The following ENPP1 variants were observed in gnomAD, a reference collection of about 807,000 sequenced individuals.
ENPP1 encodes ectonucleotide pyrophosphatase/phosphodiesterase 1.
A neutral mutation model predicts 122.8 loss-of-function variants in ENPP1; 73 were observed. The observed-to-expected ratio is 0.59, with a 90% confidence interval of 0.49 to 0.72. ENPP1 has a LOEUF of 0.72. Among genes scored for constraint, ENPP1 ranks in the 30% least tolerant of loss-of-function variants. The pLI, the probability that ENPP1 is intolerant of heterozygous loss-of-function variation, is 0.00. For missense variants in ENPP1, 978 were observed against 1,128.1 expected (o/e 0.87, Z 1.91); for synonymous variants, 367 against 391.6 (o/e 0.94, Z 0.74).
chr6:131,833,040 A>C (rs899537683), intron 1 of ENPP1, among the ~76,000 whole-genome samples: 1 of 152,242 alleles, frequency 6.6e-6, no homozygotes, highest in African/African-American at 2.4e-5. Flanking sequence ...CTCTGTGTGC[A>C]TATCTTTGTG....
intron 10 of ENPP1, 81 bp from the exon 11 acceptor site, chr6:131,864,785 C>G: frequency 1.0e-6 from 1 of 962,470 alleles, no homozygotes; most frequent in Non-Finnish European, 1.7e-6. Context: ...AATTTAATCC[C>G]TATCAATTGA....
rs79269034 is a variant in ENPP1 at position 131,842,450 on chromosome 6, T to G, written c.241-5326T>G. Among the ~76,000 whole-genome samples the G allele has an allele frequency of 7.7e-3, 1,171 of 152,306 alleles. 19 individuals carry two copies. Among genetic ancestry groups the G allele is most frequent in the African/African-American group, 0.027 (1,112 of 41,554 alleles). Reference sequence around the variant, plus strand: ...AGAGTTGTTGTTGCCTTTATTAGATTTATAAACTCTGACATTAGGACTTCA... The same window carrying G: ...AGAGTTGTTGTTGCCTTTATTAGATGTATAAACTCTGACATTAGGACTTCA... On this transcript the variant is annotated intron_variant, in intron 1 of 24. Coordinates refer to ENST00000647893, the MANE Select transcript of ENPP1 (RefSeq NM_006208.3).
intron 1 of ENPP1, among the ~76,000 whole-genome samples, chr6:131,841,827 C>T (rs112174065): frequency 3.9e-5 from 6 of 152,142 alleles, no homozygotes; most frequent in East Asian, 1.9e-4. Flanking sequence ...AGCATCTCCT[C>T]GGTGAGGAGG....
At chr6:131,872,690 A>C (rs1782176984) in intron 14 of ENPP1, among the ~76,000 whole-genome samples, 3 of 152,132 alleles carry the variant, frequency 2.0e-5, no homozygotes, top group Non-Finnish European at 2.9e-5. Context: ...TACCTTGTAC[A>C]TTATATAAGT....
At chr6:131,874,845 C>G (rs931375237) in intron 16 of ENPP1, among the ~76,000 whole-genome samples, 1 of 145,938 alleles carries the variant, frequency 6.9e-6, no homozygotes, top group African/African-American at 2.6e-5. Context: ...TATATATACA[C>G]ACACACACAC....
At chr6:131,827,324 A>G in intron 1 of ENPP1, 1 of 1,326,830 alleles carries the variant, frequency 7.5e-7, no homozygotes, top group Non-Finnish European at 1.1e-6. Flanking sequence ...GGATGAAGGC[A>G]AAGTCATTCT....
chr6:131,887,292 C>T (rs949835421), intron 24 of ENPP1, among the ~76,000 whole-genome samples: 12 of 152,060 alleles, frequency 7.9e-5, no homozygotes, highest in African/African-American at 2.9e-4. Flanking sequence ...TATTGTCATC[C>T]CAGTGTGTTT....
chr6:131,851,867 T>C (rs571700214), intron 4 of ENPP1, among the ~76,000 whole-genome samples: 1 of 151,960 alleles, frequency 6.6e-6, no homozygotes, highest in Non-Finnish European at 1.5e-5. Context: ...AAGGGGAGGG[T>C]TGTAAATTTT....
At chr6:131,880,942 C>T (rs1782297425) in intron 20 of ENPP1, among the ~76,000 whole-genome samples, 1 of 152,068 alleles carries the variant, frequency 6.6e-6, no homozygotes, top group Non-Finnish European at 1.5e-5. Flanking sequence ...CCATGGCCCC[C>T]TGGGTGCTCT....
At chr6:131,836,590 T>C (rs1781677085) in intron 1 of ENPP1, among the ~76,000 whole-genome samples, 1 of 152,172 alleles carries the variant, frequency 6.6e-6, no homozygotes, top group Non-Finnish European at 1.5e-5. Flanking sequence ...TAGAAGAACT[T>C]GGCGTTTTTT....
In ENPP1 at chr6:131,892,198, A is replaced by G. The variant is rs1021321528; in HGVS notation, c.*1687A>G. Reference sequence around the variant, plus strand: ...TTCCTGTTTCTTGGTGTGTGGAATGATTTTTTATTGAAACCTGGATATTTT... The same window carrying G: ...TTCCTGTTTCTTGGTGTGTGGAATGGTTTTTTATTGAAACCTGGATATTTT... On this transcript the variant is annotated 3_prime_UTR_variant, in exon 25 of 25. Transcript: ENST00000647893. 19 of 152,008 alleles carry G rather than the reference A, an allele frequency of 1.2e-4. No individual in the cohort carries two copies. Among genetic ancestry groups the G allele is most frequent in the African/African-American group, 3.6e-4 (15 of 41,378 alleles). 9.4% of individuals were successfully genotyped at this position (152,008 alleles called of 1,614,324 possible).
Position 131,851,989 on chromosome 6 carries a change from A to G in ENPP1, c.557-186A>G, listed in dbSNP as rs543987569. Among the ~76,000 whole-genome samples the G allele has an allele frequency of 8.5e-5, 13 of 152,292 alleles. No homozygotes were observed. In the South Asian group the frequency reaches 2.1e-3, roughly 24 times the overall value. ...CATCCATTTTTAATTCCTGATATCA[A>G]CTAACTCTTATTTTGAAGCACAATA... is the stretch of plus-strand genomic sequence containing the variant. On this transcript the variant is annotated intron_variant, in intron 4 of 24. Coordinates refer to ENST00000647893, the MANE Select transcript of ENPP1 (RefSeq NM_006208.3).
intron 6 of ENPP1, among the ~76,000 whole-genome samples, chr6:131,855,783 A>G (rs1444377995): frequency 6.7e-6 from 1 of 149,728 alleles, no homozygotes; most frequent in African/African-American, 2.5e-5. Flanking sequence ...AATCCCAATC[A>G]GGCCTTAATT....
At chr6:131,861,216 T>G (rs1388988400) in intron 8 of ENPP1, among the ~76,000 whole-genome samples, 1 of 152,204 alleles carries the variant, frequency 6.6e-6, no homozygotes, top group Non-Finnish European at 1.5e-5. Context: ...TTATGTGAAT[T>G]AATAATGTAG....
intron 1 of ENPP1, among the ~76,000 whole-genome samples, chr6:131,839,915 C>T (rs1373242546): frequency 6.6e-6 from 1 of 152,076 alleles, no homozygotes; most frequent in Non-Finnish European, 1.5e-5. Flanking sequence ...TATTTTCCTA[C>T]TCTTGGACAT....
At chr6:131,853,349 C>G (rs1781904664) in intron 5 of ENPP1, among the ~76,000 whole-genome samples, 1 of 152,022 alleles carries the variant, frequency 6.6e-6, no homozygotes, top group South Asian at 2.1e-4. Context: ...AATTTCAAAT[C>G]TTTCTTTTTC....
intron 1 of ENPP1, among the ~76,000 whole-genome samples, chr6:131,817,270 G>T (rs962166652): frequency 6.6e-6 from 1 of 152,192 alleles, no homozygotes; most frequent in African/African-American, 2.4e-5. Flanking sequence ...TTGGCCTGCT[G>T]TTGGGTTTCC....
intron 21 of ENPP1, among the ~76,000 whole-genome samples, chr6:131,883,474 G>A (rs564048385): frequency 7.9e-5 from 12 of 152,218 alleles, no homozygotes; most frequent in African/African-American, 2.4e-4. Flanking sequence ...TTTATGTTTC[G>A]TTGACATGCT....
In ENPP1 at chr6:131,808,061, G is replaced by A. The variant is rs1781300468; in HGVS notation, c.26G>A (p.Gly9Asp). The A allele has an allele frequency of 1.2e-5, 12 of 991,438 alleles. No homozygotes were observed. The highest frequency in any genetic ancestry group is 6.1e-5 in the Admixed American group (1 of 16,264). The allele number at this position is 991,438 out of a possible 1,614,324, so 61.4% of individuals were successfully genotyped here. A position where few individuals can be genotyped will look rare whatever the true frequency, so the allele number is the denominator to read the frequency against. Residue 9 changes from glycine (G) to aspartate (D), a missense_variant, in exon 1 of 25, where the codon GGC (glycine) becomes GAC (aspartate). Gly to Asp is a moderately conservative substitution (Grantham distance 94). Transcript: ENST00000647893. MERDGCAG[G>D]GSRGGEGGRA... is the part of the protein sequence containing the mutation. Reference sequence around the variant, plus strand: ...ATGGAGCGCGACGGCTGCGCGGGGGGCGGGAGCCGCGGCGGCGAGGGCGGG... The same window carrying A: ...ATGGAGCGCGACGGCTGCGCGGGGGACGGGAGCCGCGGCGGCGAGGGCGGG...
Sources: gnomAD v4.1 joint callset for allele counts (sites outside exome capture counted in the v4.1 genomes callset) on GRCh38, gnomAD v4.1.1 for gene constraint, MANE v1.5 for transcripts, NCBI Gene and HGNC (gene_info 2026-07-23, HGNC 2026-07-21) for gene names.